The following DYNAP variants were observed in gnomAD, a reference collection of about 807,000 sequenced individuals.
DYNAP encodes the protein dynactin associated protein.
A neutral mutation model predicts 8.5 loss-of-function variants in DYNAP; 7 were observed. That is an observed-to-expected ratio of 0.82 (90% CI 0.47 to 1.54). DYNAP has a LOEUF of 1.54. DYNAP is among the 40% of genes most tolerant of loss of function. The probability of loss-of-function intolerance (pLI) is 0.01; values close to 1 mark genes in which losing one functional copy is unlikely to be tolerated. For missense variants in DYNAP, 256 were observed against 224.3 expected (o/e 1.14, Z -0.90); for synonymous variants, 77 against 77.9 (o/e 0.99, Z 0.06).
rs768081034 is a variant in DYNAP, at chr18:54,597,892, CA to C, written c.304del (p.Ile102LeufsTer5). On this transcript the variant is annotated frameshift_variant, in exon 3 of 3. Transcript: ENST00000648945. LOFTEE classifies it low-confidence loss of function (END_TRUNC). ...CTCTTAGCCTGTGTGATAATGACAG[CA>C]ATTGGAGTACTTATAATATGCTTGG... Reference protein sequence around the residue: ...ACLLACVIMTAIGVLIICLVN... With the variant: ...ACLLACVIMTXIGVLIICLVN... The C allele has an allele frequency of 1.9e-6, 3 of 1,613,576 alleles. No individual in the cohort carries two copies. The highest frequency in any genetic ancestry group is 2.5e-6 in the Non-Finnish European group (3 of 1,179,722).
chr18:54,595,789 C>A (rs1468202730), intron 2 of DYNAP, among the ~76,000 whole-genome samples: 1 of 152,076 alleles, frequency 6.6e-6, no homozygotes, highest in Non-Finnish European at 1.5e-5. Context: ...TATGGCTTGG[C>A]AGTTTGGTTT....
chr18:54,581,146 G>T, the DYNAP span, among the ~76,000 whole-genome samples: 1 of 151,994 alleles, frequency 6.6e-6, no homozygotes, highest in Non-Finnish European at 1.5e-5. Context: ...ACCACATTTT[G>T]TTTCCTTATG....
At position 54,595,218 on chromosome 18, in the gene DYNAP, A is replaced by G. The variant is rs765554514; in HGVS notation, c.222+115A>G. Reference sequence around the variant, plus strand: ...AATTACTTAATTCATTTATATTTGTATTAAGCATTTGCTGTATTCTCAGTA... The same window carrying G: ...AATTACTTAATTCATTTATATTTGTGTTAAGCATTTGCTGTATTCTCAGTA... On this transcript the variant is annotated intron_variant, in intron 2 of 2. Transcript: ENST00000648945. 1.1e-5 allele frequency: 14 copies of G among 1,218,148 alleles called. No individual in the cohort carries two copies. The Admixed American group carries it at 2.2e-4, about 19-fold the overall frequency. 75.5% of individuals were successfully genotyped at this position (1,218,148 alleles called of 1,614,324 possible).
intron 2 of DYNAP, among the ~76,000 whole-genome samples, chr18:54,596,536 C>A (rs1911297819): frequency 6.6e-6 from 1 of 152,130 alleles, no homozygotes; most frequent in Admixed American, 6.6e-5. Context: ...ATCTAATGTA[C>A]AACTAGTGAT....
At chr18:54,596,917 C>T (rs1299159475) in intron 2 of DYNAP, among the ~76,000 whole-genome samples, 1 of 152,080 alleles carries the variant, frequency 6.6e-6, no homozygotes, top group African/African-American at 2.4e-5. Flanking sequence ...TCCCTGCTGT[C>T]TTTGTGTCAT....
chr18:54,590,423 T>C (rs1460358989), upstream of DYNAP, among the ~76,000 whole-genome samples: 1 of 152,184 alleles, frequency 6.6e-6, no homozygotes, highest in Non-Finnish European at 1.5e-5. Flanking sequence ...ATTCTACAGC[T>C]TGAGGGTAAA....
rs1040819399 is a variant in DYNAP, at chr18:54,598,779, C to A, written c.*634C>A. The A allele has an allele frequency of 1.3e-5, 2 of 152,134 alleles. No individual in the cohort carries two copies. The highest frequency in any genetic ancestry group is 4.8e-5 in the African/African-American group (2 of 41,432). 9.4% of individuals were successfully genotyped at this position (152,134 alleles called of 1,614,324 possible). ...AGAATATCCTTTCCCCTTTGTTTTC[C>A]TTCCTTTCTTTCCAGATCCAGGAGA... On this transcript the variant is annotated 3_prime_UTR_variant, in exon 3 of 3. Coordinates refer to ENST00000648945, the MANE Select transcript of DYNAP (RefSeq NM_173629.3).
chr18:54,591,711 C>T (rs1164349381), intron 1 of DYNAP, among the ~76,000 whole-genome samples: 2 of 151,916 alleles, frequency 1.3e-5, no homozygotes, highest in East Asian at 3.9e-4. Context: ...ATTTTTAGAC[C>T]TGTCAGAACT....
chr18:54,596,820 A>T (rs1251508638), intron 2 of DYNAP, among the ~76,000 whole-genome samples: 9 of 152,000 alleles, frequency 5.9e-5, no homozygotes, highest in African/African-American at 2.2e-4. Context: ...AGTGCTTCCC[A>T]TCAAGGAAAG....
At chr18:54,587,063 G>A (rs557780287), upstream of DYNAP, among the ~76,000 whole-genome samples, 4 of 152,232 alleles carry the variant, frequency 2.6e-5, no homozygotes, top group African/African-American at 4.8e-5. Context: ...CCTGCCACAT[G>A]CATAGCCTCC....
At chr18:54,592,491 G>A (rs1911121728) in intron 1 of DYNAP, among the ~76,000 whole-genome samples, 2 of 151,886 alleles carry the variant, frequency 1.3e-5, no homozygotes, top group South Asian at 4.2e-4. Flanking sequence ...AATTTAAAAA[G>A]TATTTGAAGA....
chr18:54,597,312 T>C (rs1218858124), intron 2 of DYNAP, among the ~76,000 whole-genome samples: 2 of 151,792 alleles, frequency 1.3e-5, no homozygotes, highest in East Asian at 3.9e-4. Flanking sequence ...GATACTGTAA[T>C]GGTAAATACA....
the DYNAP span, among the ~76,000 whole-genome samples, chr18:54,576,711 G>C: frequency 1.3e-5 from 2 of 151,938 alleles, no homozygotes; most frequent in Non-Finnish European, 2.9e-5. Flanking sequence ...GCTGAGGCAG[G>C]AGAATTGCTT....
chr18:54,594,028 C>G (rs1161149125), intron 1 of DYNAP, among the ~76,000 whole-genome samples: 1 of 152,096 alleles, frequency 6.6e-6, no homozygotes, highest in African/African-American at 2.4e-5. Context: ...TCTTATCCTT[C>G]CCCTCTTTTA....
upstream of DYNAP, among the ~76,000 whole-genome samples, chr18:54,583,739 G>T (rs2144879803): frequency 6.6e-6 from 1 of 152,240 alleles, no homozygotes; most frequent in East Asian, 1.9e-4. Context: ...CTAATCATGT[G>T]TTTGAACATG....
chr18:54,578,122 G>C, the DYNAP span, among the ~76,000 whole-genome samples: 1 of 152,210 alleles, frequency 6.6e-6, no homozygotes, highest in Non-Finnish European at 1.5e-5. Context: ...CCTGGAGAGG[G>C]AGAATGGTCA....
chr18:54,579,152 T>C, the DYNAP span, among the ~76,000 whole-genome samples: 1 of 152,226 alleles, frequency 6.6e-6, no homozygotes, highest in Non-Finnish European at 1.5e-5. Flanking sequence ...AGAAATGTTG[T>C]ATTACTCTAC....
upstream of DYNAP, among the ~76,000 whole-genome samples, chr18:54,582,785 T>G (rs577192760): frequency 6.6e-6 from 1 of 152,308 alleles, no homozygotes; most frequent in Admixed American, 6.5e-5. Context: ...TTCTTTGACC[T>G]CATATATCTT....
chr18:54,586,272 A>T (rs1427528659), upstream of DYNAP, among the ~76,000 whole-genome samples: 1 of 152,114 alleles, frequency 6.6e-6, no homozygotes, highest in Non-Finnish European at 1.5e-5. Context: ...TGGGGCCTTG[A>T]TGTTCACAAA....
Sources: allele counts gnomAD v4.1 joint callset (sites outside exome capture counted in the v4.1 genomes callset), GRCh38; gene constraint gnomAD v4.1.1; transcripts MANE v1.5; gene names NCBI Gene and HGNC (gene_info 2026-07-23, HGNC 2026-07-21).